GABRB3: variants seen among roughly 807,000 people sequenced by gnomAD.
GABRB3 encodes gamma-aminobutyric acid type A receptor subunit beta3, also known as gamma-aminobutyric acid receptor subunit beta-3.
A neutral mutation model predicts 52.1 loss-of-function variants in GABRB3; 14 were observed. The observed-to-expected ratio is 0.27, with a 90% CI of 0.18 to 0.42. The LOEUF (loss-of-function observed/expected upper bound fraction) is 0.42, where lower values mean the gene tolerates loss of function less well. Ranked by LOEUF, GABRB3 falls within the 10% of genes least tolerant of loss-of-function variation. GABRB3 has a pLI of 1.00. For missense variants in GABRB3, 307 were observed against 609.1 expected, an observed-to-expected ratio of 0.50 and a Z score of 5.22; for synonymous variants, 260 against 232.3, an observed-to-expected ratio of 1.12 and a Z score of -1.08.
At chr15:26,772,292 G>A (rs1486355408) in intron 3 of GABRB3, 110 bp downstream of exon 3, 1 of 966,312 alleles carries the variant, frequency 1.0e-6, no homozygotes, top group Non-Finnish European at 1.6e-6. Flanking sequence ...CTGCGGACCG[G>A]GGAAACTCGG....
At chr15:26,574,025 C>T (rs1244073335) in intron 6 of GABRB3, among the ~76,000 whole-genome samples, 5 of 151,978 alleles carry the variant, frequency 3.3e-5, no homozygotes, top group Admixed American at 2.0e-4. Context: ...CACTCCAGCC[C>T]GGGCGACAGA....
chr15:26,582,265 C>T (rs1211434030), intron 5 of GABRB3, among the ~76,000 whole-genome samples: 2 of 152,216 alleles, frequency 1.3e-5, no homozygotes, highest in Non-Finnish European at 2.9e-5. Flanking sequence ...ACAGTTGAAA[C>T]AGGAGCTGCT....
intron 8 of GABRB3, among the ~76,000 whole-genome samples, chr15:26,554,117 AAGT>A (rs1889615455): frequency 4.1e-5 from 3 of 72,870 alleles, no homozygotes; most frequent in African/African-American, 2.2e-4. Context: ...TATATATATA[AAGT>A]GTGTGTGTAT....
chr15:26,710,348 A>C (rs1046997017), intron 3 of GABRB3, among the ~76,000 whole-genome samples: 1 of 151,898 alleles, frequency 6.6e-6, no homozygotes, highest in Admixed American at 6.6e-5. Context: ...TGCAACCTCC[A>C]CCTCCCAGGT....
At chr15:26,614,612 G>A (rs995733168) in intron 4 of GABRB3, 5 of 152,048 alleles carry the variant, frequency 3.3e-5, no homozygotes, top group African/African-American at 1.2e-4. Context: ...AGTTAGGGAC[G>A]GCTGCATAAA....
rs184925325 is a variant in GABRB3 at position 26,544,554 on chromosome 15, G to C, written c.*3239C>G. 1 of 152,290 alleles carries C rather than the reference G, an allele frequency of 6.6e-6. No homozygotes were observed. Among genetic ancestry groups the C allele is most frequent in the African/African-American group, 2.4e-5 (1 of 41,566 alleles). The allele number at this position is 152,290 out of a possible 1,614,324, so 9.4% of individuals were successfully genotyped here. On this transcript the variant is annotated 3_prime_UTR_variant, in exon 9 of 9. Transcript: ENST00000311550. ...TTGAGATTCAGGGGAAATGGATGTC[G>C]CATGGTATAGACAGTGAAACCCCTC...
chr15:26,631,948 A>G (rs1216381418), intron 3 of GABRB3, among the ~76,000 whole-genome samples: 2 of 152,190 alleles, frequency 1.3e-5, no homozygotes, highest in East Asian at 1.9e-4. Flanking sequence ...AGGAAGACAG[A>G]ATTGGTACCT....
At chr15:26,631,467 A>G (rs1460662068) in intron 3 of GABRB3, among the ~76,000 whole-genome samples, 1 of 152,238 alleles carries the variant, frequency 6.6e-6, no homozygotes, top group East Asian at 1.9e-4. Context: ...AAGAAATGCA[A>G]TTTCTAAACC....
intron 3 of GABRB3, among the ~76,000 whole-genome samples, chr15:26,760,542 T>C (rs1890787052): frequency 1.3e-5 from 2 of 152,186 alleles, no homozygotes; most frequent in African/African-American, 4.8e-5. Context: ...AAACAGTTTA[T>C]GATAATAGAG....
At position 26,716,921 on chromosome 15, in the gene GABRB3, G is replaced by GA. The variant is rs1889493227; in HGVS notation, c.240+55480_240+55481insT. ...CTCCACCCAACCACAGCCTAGCTCTGGGGACCTCCACCCAACCACAGCCCA... is the reference window on the plus strand; with the variant it reads ...CTCCACCCAACCACAGCCTAGCTCTGAGGGACCTCCACCCAACCACAGCCCA... On this transcript the variant is annotated intron_variant, in intron 3 of 8. Coordinates refer to ENST00000311550, the MANE Select transcript of GABRB3 (RefSeq NM_000814.6). 2.2e-5 allele frequency among the ~76,000 whole-genome samples: 3 copies of GA among 138,386 alleles called. 1 individual carries two copies. Among genetic ancestry groups the GA allele is most frequent in the African/African-American group, 5.5e-5 (2 of 36,198 alleles). 90.8% of individuals were successfully genotyped at this position (138,386 alleles called of 152,430 possible). A position where few individuals can be genotyped will look rare whatever the true frequency, so the allele number is the denominator to read the frequency against.
rs369042370 is a variant in GABRB3 at position 26,743,433 on chromosome 15, T to A, written c.240+28969A>T. On this transcript the variant is annotated intron_variant, in intron 3 of 8. Coordinates refer to ENST00000311550, the MANE Select transcript of GABRB3 (RefSeq NM_000814.6). ...GTCTCTTTGAGTGTTCTACTGTGAC[T>A]GATGGCTGTTGTTATTTAACCATAC... is the stretch of plus-strand genomic sequence containing the variant. Among the ~76,000 whole-genome samples the A allele has an allele frequency of 5.9e-5, 9 of 152,336 alleles. No homozygotes were observed. The South Asian group carries it at 1.2e-3, about 21-fold the overall frequency.
At chr15:26,596,147 C>T (rs1300852654) in intron 4 of GABRB3, among the ~76,000 whole-genome samples, 1 of 151,872 alleles carries the variant, frequency 6.6e-6, no homozygotes, top group African/African-American at 2.4e-5. Flanking sequence ...AGAGAAGGGT[C>T]TTTACAGGCA....
In GABRB3 at chr15:26,561,076, G is replaced by A. The variant is rs147532209; in HGVS notation, c.936C>T (p.Gly312=). Residue 312 remains glycine (G), a synonymous_variant, in exon 8 of 9, where the codon GGC becomes GGT. Coordinates refer to ENST00000311550, the MANE Select transcript of GABRB3 (RefSeq NM_000814.6). ...YVKAIDMYLM[G]CFVFVFLALL... ...GGGCCAGGAACACAAAGACGAAGCA[G>A]CCCATAAGGTACATGTCAATGGCTT... 2.3e-5 allele frequency: 37 copies of A among 1,614,084 alleles called. No homozygotes were observed. The highest frequency in any genetic ancestry group is 5.3e-5 in the African/African-American group (4 of 74,936).
chr15:26,650,767 C>G (rs571570660), intron 3 of GABRB3, among the ~76,000 whole-genome samples: 93 of 152,172 alleles, frequency 6.1e-4, no homozygotes, highest in Admixed American at 2.1e-3. Context: ...GCTCACAAAC[C>G]AATCAGCATG....
intron 3 of GABRB3, among the ~76,000 whole-genome samples, chr15:26,653,312 GTAAA>G (rs1216504561): frequency 6.6e-6 from 1 of 152,128 alleles, no homozygotes; most frequent in Admixed American, 6.5e-5. Context: ...CATCACTATT[GTAAA>G]ACCTAAGATT....
At chr15:26,574,315 G>A (rs955577863) in intron 6 of GABRB3, among the ~76,000 whole-genome samples, 3 of 152,094 alleles carry the variant, frequency 2.0e-5, no homozygotes, top group Admixed American at 6.6e-5. Flanking sequence ...CTTCCCGTAG[G>A]AATATTATCA....
intron 4 of GABRB3, among the ~76,000 whole-genome samples, chr15:26,592,025 G>A (rs912944245): frequency 1.3e-5 from 2 of 152,082 alleles, no homozygotes; most frequent in Non-Finnish European, 2.9e-5. Flanking sequence ...TGTGTCTCTA[G>A]CCTCAGAGAA....
intron 3 of GABRB3, among the ~76,000 whole-genome samples, chr15:26,636,368 C>T (rs538555012): frequency 6.6e-6 from 1 of 152,146 alleles, no homozygotes; most frequent in Admixed American, 6.5e-5. Context: ...TAGGGCAAAA[C>T]AGACTCTCCA....
Position 26,772,700 on chromosome 15 carries a change from G to A in GABRB3, c.153C>T (p.Arg51=), listed in dbSNP as rs763681432. 4 of 1,579,100 alleles carry A rather than the reference G, an allele frequency of 2.5e-6. No individual in the cohort carries two copies. The South Asian group carries it at 4.6e-5, about 18-fold the overall frequency. Residue 51 remains arginine, a synonymous_variant, in exon 2 of 9, where the codon CGC becomes CGT. Coordinates refer to ENST00000311550, the MANE Select transcript of GABRB3 (RefSeq NM_000814.6). ...ACTTACCCCCGAAGTCGGGTCTTAG[G>A]CGAATGTCGTAGCCTTTCAACAGCT... ...VDKLLKGYDI[R]LRPDFGGPPV...
Sources: allele counts gnomAD v4.1 joint callset (sites outside exome capture counted in the v4.1 genomes callset), GRCh38; gene constraint gnomAD v4.1.1; transcripts MANE v1.5; gene names NCBI Gene and HGNC (gene_info 2026-07-23, HGNC 2026-07-21).